PRKCI: variants seen among roughly 807,000 people sequenced by gnomAD.
The protein encoded by PRKCI is protein kinase C iota type.
In PRKCI, 43 loss-of-function variants were observed where a neutral mutation model predicts 84.0. The observed-to-expected ratio is 0.51, with a 90% CI of 0.40 to 0.66. PRKCI has a LOEUF of 0.66. Ranked by LOEUF, PRKCI falls within the 30% of genes least tolerant of loss-of-function variation. The pLI, the probability that PRKCI is intolerant of heterozygous loss-of-function variation, is 0.00. For synonymous variants in PRKCI, 216 were observed against 234.4 expected (o/e 0.92, Z 0.72); for missense variants, 459 against 745.6 (o/e 0.62, Z 4.48).
At chr3:170,273,207 G>T in intron 6 of PRKCI, 79 bp from the exon 7 acceptor site, 1 of 1,133,534 alleles carries the variant, frequency 8.8e-7, no homozygotes, top group Non-Finnish European at 1.3e-6. Context: ...TTAATATGCT[G>T]TGTGTTGTTG....
At chr3:170,254,629 A>G (rs2650228) in intron 2 of PRKCI, among the ~76,000 whole-genome samples, 32,886 of 151,866 alleles carry the variant, frequency 0.22, 3,928 homozygotes, top group African/African-American at 0.32. Context: ...AAATGAGTTC[A>G]CTCTAGATGT....
chr3:170,279,086 G>A (rs1324111304), intron 8 of PRKCI, among the ~76,000 whole-genome samples: 2 of 152,142 alleles, frequency 1.3e-5, no homozygotes, highest in African/African-American at 4.8e-5. Context: ...GGAGCGCACT[G>A]GCACAATCAC....
At position 170,271,913 on chromosome 3, in the gene PRKCI, A is replaced by G. The variant is rs1424617732; in HGVS notation, c.591+1352A>G. ...TAGTGGCACAATCTTGGCTCACTGC[A>G]ACCTCCACCTCCCAGGTTCAAGTGA... On this transcript the variant is annotated intron_variant, in intron 6 of 17. Coordinates refer to ENST00000295797, the MANE Select transcript of PRKCI (RefSeq NM_002740.6). Among the ~76,000 whole-genome samples the G allele has an allele frequency of 1.1e-4, 17 of 152,276 alleles. No individual in the cohort carries two copies. In the South Asian group the frequency reaches 3.5e-3, roughly 32 times the overall value.
At chr3:170,282,909 A>G (rs1393356315) in intron 11 of PRKCI, among the ~76,000 whole-genome samples, 2 of 151,972 alleles carry the variant, frequency 1.3e-5, no homozygotes, top group Non-Finnish European at 1.5e-5. Context: ...AATCGAGACC[A>G]TCCTGGCCAA....
intron 14 of PRKCI, among the ~76,000 whole-genome samples, chr3:170,293,999 G>A (rs1249160981): frequency 6.6e-6 from 1 of 152,096 alleles, no homozygotes; most frequent in Non-Finnish European, 1.5e-5. Flanking sequence ...ATTAGGTTTT[G>A]ATGTTTTTTA....
intron 10 of PRKCI, 189 bp downstream of exon 10, chr3:170,281,452 T>C (rs112894039): frequency 1.3e-5 from 7 of 547,522 alleles, no homozygotes; most frequent in African/African-American, 1.1e-4. Flanking sequence ...CATTAGGAAA[T>C]GACCTACTTT....
chr3:170,279,325 G>A (rs914464086), intron 8 of PRKCI, among the ~76,000 whole-genome samples: 31 of 152,288 alleles, frequency 2.0e-4, no homozygotes, highest in African/African-American at 7.0e-4. Flanking sequence ...GCCACTGTGC[G>A]CAGCCTAAAT....
At chr3:170,271,634 G>A (rs1734008867) in intron 6 of PRKCI, among the ~76,000 whole-genome samples, 1 of 151,828 alleles carries the variant, frequency 6.6e-6, no homozygotes, top group Admixed American at 6.6e-5. Flanking sequence ...CATTTACACT[G>A]TTGTAAAATT....
At position 170,303,279 on chromosome 3, in the gene PRKCI, AC is replaced by A. The variant is rs1734867520; in HGVS notation, c.*153del. On this transcript the variant is annotated 3_prime_UTR_variant, in exon 18 of 18. Transcript: ENST00000295797. ...TTGTAGACTATATGAATCAATTATT[AC>A]ATCTGTTTTACTATGAAAAAAAAAT... is the stretch of plus-strand genomic sequence containing the variant. 2.3e-6 allele frequency: 1 copy of A among 435,970 alleles called. No individual in the cohort carries two copies. Among genetic ancestry groups the A allele is most frequent in the African/African-American group, 2.0e-5 (1 of 48,902 alleles). 27.0% of individuals were successfully genotyped at this position (435,970 alleles called of 1,614,324 possible). A position where few individuals can be genotyped will look rare whatever the true frequency, so the allele number is the denominator to read the frequency against.
At chr3:170,291,800 AT>A in intron 12 of PRKCI, 53 bp from the exon 13 acceptor site, 2 of 1,420,620 alleles carry the variant, frequency 1.4e-6, no homozygotes, top group East Asian at 4.6e-5. Flanking sequence ...GAAAGGGTGA[AT>A]TTAAAACAGA....
intron 15 of PRKCI, among the ~76,000 whole-genome samples, chr3:170,296,331 G>A (rs1198263571): frequency 2.0e-5 from 3 of 152,098 alleles, no homozygotes; most frequent in East Asian, 3.8e-4. Flanking sequence ...CATTTTCTCT[G>A]TATCATTATC....
chr3:170,286,700 A>T (rs904429458), intron 12 of PRKCI, among the ~76,000 whole-genome samples: 1 of 152,002 alleles, frequency 6.6e-6, no homozygotes, highest in Admixed American at 6.5e-5. Context: ...TATTCTGAGT[A>T]AATATTTTGG....
At position 170,252,893 on chromosome 3, in the gene PRKCI, G is replaced by A. The variant is rs1280178967; in HGVS notation, c.224-7076G>A. On this transcript the variant is annotated intron_variant, in intron 2 of 17. Coordinates refer to ENST00000295797, the MANE Select transcript of PRKCI (RefSeq NM_002740.6). Reference sequence around the variant, plus strand: ...CCACCACTATCGTTCCCAGCTTCTGGTAGCTATCATTCTACTCTCTATCTC... The same window carrying A: ...CCACCACTATCGTTCCCAGCTTCTGATAGCTATCATTCTACTCTCTATCTC... Among the ~76,000 whole-genome samples, 3 of 151,996 alleles carry A rather than the reference G, an allele frequency of 2.0e-5. No homozygotes were observed. The East Asian group carries it at 5.8e-4, about 29-fold the overall frequency.
intron 7 of PRKCI, 119 bp from the exon 8 acceptor site, chr3:170,275,110 A>G (rs576547995): frequency 8.2e-7 from 1 of 1,223,242 alleles, no homozygotes; most frequent in South Asian, 2.1e-5. Flanking sequence ...TTTATTCAGA[A>G]GTAAAAACTA....
chr3:170,252,209 G>A (rs1397424848), intron 2 of PRKCI, among the ~76,000 whole-genome samples: 5 of 138,478 alleles, frequency 3.6e-5, no homozygotes, highest in African/African-American at 1.2e-4. Context: ...GCGAGACTCC[G>A]TCTCAAAAAA....
intron 1 of PRKCI, among the ~76,000 whole-genome samples, chr3:170,230,739 T>A (rs1407616988): frequency 6.6e-6 from 1 of 152,228 alleles, no homozygotes; most frequent in East Asian, 1.9e-4. Flanking sequence ...TTTATTCTAA[T>A]ACCATTATTG....
chr3:170,227,798 G>A (rs919588554), intron 1 of PRKCI, among the ~76,000 whole-genome samples: 14 of 152,208 alleles, frequency 9.2e-5, no homozygotes, highest in African/African-American at 3.4e-4. Context: ...TACATGATCA[G>A]ATTTGCATTT....
At position 170,303,016 on chromosome 3, in the gene PRKCI, ATAAATT is replaced by A. The variant is rs776299187; in HGVS notation, c.1704-21_1704-16del. On this transcript the variant is annotated intron_variant, in intron 17 of 17. Transcript: ENST00000295797. ...TGAAGAAATCTTGATTATGATGAAA[ATAAATT>A]TATTTTTCTTTCAACAGTGACATTG... 2 of 1,528,188 alleles carry A rather than the reference ATAAATT, an allele frequency of 1.3e-6. No homozygotes were observed. Among genetic ancestry groups the A allele is most frequent in the South Asian group, 2.3e-5 (2 of 85,446 alleles). 94.7% of individuals were successfully genotyped at this position (1,528,188 alleles called of 1,614,324 possible). A position where few individuals can be genotyped will look rare whatever the true frequency, so the allele number is the denominator to read the frequency against.
At chr3:170,252,102 T>A (rs1374780999) in intron 2 of PRKCI, among the ~76,000 whole-genome samples, 1 of 151,640 alleles carries the variant, frequency 6.6e-6, no homozygotes, top group East Asian at 1.9e-4. Flanking sequence ...TAGTCCCAGC[T>A]GCTGGGGAGG....
Sources: gnomAD v4.1 joint callset for allele counts (sites outside exome capture counted in the v4.1 genomes callset) on GRCh38, gnomAD v4.1.1 for gene constraint, MANE v1.5 for transcripts, NCBI Gene and HGNC (gene_info 2026-07-23, HGNC 2026-07-21) for gene names.